PPP1R14D: variants seen among roughly 807,000 people sequenced by gnomAD.
PPP1R14D encodes the protein protein phosphatase 1 regulatory inhibitor subunit 14D.
In PPP1R14D, 14 loss-of-function variants were observed where a neutral mutation model predicts 17.1. That is an observed-to-expected ratio of 0.82 (90% confidence interval 0.54 to 1.28). The LOEUF (loss-of-function observed/expected upper bound fraction) is 1.28, where lower values mean the gene tolerates loss of function less well. PPP1R14D is among the 50% of genes most tolerant of loss of function. The pLI, the probability that PPP1R14D is intolerant of heterozygous loss-of-function variation, is 0.00. For missense variants in PPP1R14D, 173 were observed against 179.2 expected (o/e 0.97, Z 0.20); for synonymous variants, 67 against 66.1 (o/e 1.01, Z -0.06).
In PPP1R14D at chr15:40,816,164, T is replaced by G; in HGVS notation, c.339+6A>C. 1 of 1,613,804 alleles carries G rather than the reference T, an allele frequency of 6.2e-7. No individual in the cohort carries two copies. The highest frequency in any genetic ancestry group is 8.5e-7 in the Non-Finnish European group (1 of 1,179,714). ...ACCCAAGGCCAGCTTCTAGCCCCCA[T>G]CCTACCTCCAGCTGAGTCTTCTGCT... On this transcript the variant is annotated splice_donor_region_variant and intron_variant, in intron 2 of 3. Transcript: ENST00000299174.
chr15:40,821,075 C>T (rs533812142), intron 1 of PPP1R14D, among the ~76,000 whole-genome samples: 30 of 151,710 alleles, frequency 2.0e-4, no homozygotes, highest in Admixed American at 1.2e-3. Context: ...CCGTGGCTCA[C>T]GCCTGTAATC....
At chr15:40,822,735 G>T (rs527600043) in intron 1 of PPP1R14D, among the ~76,000 whole-genome samples, 1 of 152,228 alleles carries the variant, frequency 6.6e-6, no homozygotes, top group East Asian at 1.9e-4. Context: ...TTACAGGCGT[G>T]AGCCACCATG....
intron 1 of PPP1R14D, among the ~76,000 whole-genome samples, chr15:40,825,217 G>A (rs1890850282): frequency 2.0e-5 from 3 of 151,778 alleles, no homozygotes; most frequent in East Asian, 1.9e-4. Flanking sequence ...CCTGGGAGGC[G>A]GAGGTTGCAG....
At chr15:40,819,911 G>A (rs1890741603) in intron 1 of PPP1R14D, among the ~76,000 whole-genome samples, 1 of 151,508 alleles carries the variant, frequency 6.6e-6, no homozygotes, top group Admixed American at 6.6e-5. Flanking sequence ...TTGTTGCCCA[G>A]GCTGGAGTGC....
chr15:40,818,768 A>G (rs1338426816), intron 1 of PPP1R14D, among the ~76,000 whole-genome samples: 1 of 152,246 alleles, frequency 6.6e-6, no homozygotes, highest in Non-Finnish European at 1.5e-5. Context: ...GTATGACACT[A>G]TAACGGTGGA....
chr15:40,820,738 G>A (rs1890761542), intron 1 of PPP1R14D, among the ~76,000 whole-genome samples: 1 of 151,666 alleles, frequency 6.6e-6, no homozygotes, highest in Non-Finnish European at 1.5e-5. Flanking sequence ...ACGTACACCT[G>A]TAATCCCAGT....
At position 40,827,799 on chromosome 15, in the gene PPP1R14D, A is replaced by G. The variant is rs1184491909; in HGVS notation, c.255+588T>C. On this transcript the variant is annotated intron_variant, in intron 1 of 3. Coordinates refer to ENST00000299174, the MANE Select transcript of PPP1R14D (RefSeq NM_017726.8). ...AAATTTGCCAGGCGTGGTGGTGCGCACCTGTAGTCCCAGCTACTCAGGAGG... is the reference window on the plus strand; with the variant it reads ...AAATTTGCCAGGCGTGGTGGTGCGCGCCTGTAGTCCCAGCTACTCAGGAGG... Among the ~76,000 whole-genome samples the G allele has an allele frequency of 3.3e-5, 5 of 151,302 alleles. No individual in the cohort carries two copies. The East Asian group carries it at 7.9e-4, about 24-fold the overall frequency.
At chr15:40,823,011 C>G (rs1245686823) in intron 1 of PPP1R14D, among the ~76,000 whole-genome samples, 1 of 145,094 alleles carries the variant, frequency 6.9e-6, no homozygotes, top group Non-Finnish European at 1.5e-5. Flanking sequence ...GTCGCCCAGG[C>G]TGGAGTGCAA....
chr15:40,818,504 CA>C (rs1388059017), intron 1 of PPP1R14D, among the ~76,000 whole-genome samples: 4 of 152,062 alleles, frequency 2.6e-5, no homozygotes, highest in African/African-American at 9.7e-5. Context: ...ATGCATATGA[CA>C]GTTAAATAAG....
rs756787463 is a variant in PPP1R14D, at chr15:40,828,373, G to A, written c.255+14C>T. ...AGGCCCCCATCTCCTCCCACTATCC[G>A]CTGTGCTACCTACCTGGAAGAGCTC... On this transcript the variant is annotated intron_variant, in intron 1 of 3. Coordinates refer to ENST00000299174, the MANE Select transcript of PPP1R14D (RefSeq NM_017726.8). 53 of 1,568,154 alleles carry A rather than the reference G, an allele frequency of 3.4e-5. No homozygotes were observed. The highest frequency in any genetic ancestry group is 9.0e-5 in the East Asian group (4 of 44,526).
chr15:40,822,261 G>A (rs1890792617), intron 1 of PPP1R14D, among the ~76,000 whole-genome samples: 1 of 151,732 alleles, frequency 6.6e-6, no homozygotes, highest in Admixed American at 6.6e-5. Flanking sequence ...AAGGCAGGCA[G>A]ATTGCTTGAG....
chr15:40,822,858 G>A (rs1358466347), intron 1 of PPP1R14D, among the ~76,000 whole-genome samples: 1 of 151,712 alleles, frequency 6.6e-6, no homozygotes, highest in African/African-American at 2.4e-5. Context: ...CACCCAGGCT[G>A]CACAATCATG....
intron 1 of PPP1R14D, among the ~76,000 whole-genome samples, chr15:40,822,965 ATTTTT>A (rs35437867): frequency 8.1e-6 from 1 of 123,610 alleles, no homozygotes; most frequent in Non-Finnish European, 1.6e-5. Context: ...CATCCGGCTA[ATTTTT>A]TTTTTTTTTT....
At chr15:40,816,466 A>G (rs1890667762) in intron 1 of PPP1R14D, among the ~76,000 whole-genome samples, 1 of 152,204 alleles carries the variant, frequency 6.6e-6, no homozygotes, top group Admixed American at 6.5e-5. Context: ...TAATCCCAGC[A>G]CTTCGGGAGG....
chr15:40,825,522 G>T (rs931703058), intron 1 of PPP1R14D, among the ~76,000 whole-genome samples: 2 of 152,136 alleles, frequency 1.3e-5, no homozygotes, highest in African/African-American at 4.8e-5. Flanking sequence ...GAAGAGGTAG[G>T]TCCCTCCAAC....
At chr15:40,817,519 A>ACATT (rs201928349) in intron 1 of PPP1R14D, among the ~76,000 whole-genome samples, 1 of 152,100 alleles carries the variant, frequency 6.6e-6, no homozygotes, top group South Asian at 2.1e-4. Flanking sequence ...GCAAATTAAA[A>ACATT]CATTCATTCA....
chr15:40,824,546 AT>A, intron 1 of PPP1R14D, among the ~76,000 whole-genome samples: 1 of 151,592 alleles, frequency 6.6e-6, no homozygotes, highest in African/African-American at 2.4e-5. Context: ...AATTTTTTGT[AT>A]TTTTTTGGAC....
At position 40,815,996 on chromosome 15, in the gene PPP1R14D, T is replaced by C; in HGVS notation, c.340-2A>G. Reference sequence around the variant, plus strand: ...GCGGGGGCAGTTCCCAAGAATGGCCTAGATAGGAGAGAACACAGACAGGGC... The same window carrying C: ...GCGGGGGCAGTTCCCAAGAATGGCCCAGATAGGAGAGAACACAGACAGGGC... On this transcript the variant is annotated splice_acceptor_variant, in intron 2 of 3. Coordinates refer to ENST00000299174, the MANE Select transcript of PPP1R14D (RefSeq NM_017726.8). LOFTEE classifies it high-confidence loss of function. The C allele has an allele frequency of 6.2e-7, 1 of 1,614,096 alleles. No homozygotes were observed. Among genetic ancestry groups the C allele is most frequent in the Non-Finnish European group, 8.5e-7 (1 of 1,179,996 alleles).
chr15:40,822,963 TA>T (rs1336662258), intron 1 of PPP1R14D, among the ~76,000 whole-genome samples: 3 of 104,682 alleles, frequency 2.9e-5, no homozygotes, highest in African/African-American at 1.1e-4. Flanking sequence ...CACATCCGGC[TA>T]ATTTTTTTTT....
Sources: gnomAD v4.1 joint callset for allele counts (sites outside exome capture counted in the v4.1 genomes callset) on GRCh38, gnomAD v4.1.1 for gene constraint, MANE v1.5 for transcripts, NCBI Gene and HGNC (gene_info 2026-07-23, HGNC 2026-07-21) for gene names.